The following GMDS variants were observed in gnomAD, a reference collection of about 807,000 sequenced individuals.
GMDS encodes GDP-mannose 4,6-dehydratase.
In GMDS, 20 loss-of-function variants were observed where a neutral mutation model predicts 49.9. The ratio of observed to expected loss-of-function variants is 0.40; its 90% CI spans 0.28 to 0.58. The LOEUF is 0.58. Among genes scored for constraint, GMDS ranks in the 20% least tolerant of loss-of-function variants. GMDS has a pLI of 0.42. For missense variants in GMDS, 362 were observed against 481.4 expected, an observed-to-expected ratio of 0.75 and a Z score of 2.32; for synonymous variants, 177 against 178.6, an observed-to-expected ratio of 0.99 and a Z score of 0.07.
At chr6:1,677,388 C>T (rs971298370) in intron 9 of GMDS, among the ~76,000 whole-genome samples, 3 of 152,104 alleles carry the variant, frequency 2.0e-5, no homozygotes, top group Non-Finnish European at 2.9e-5. Flanking sequence ...GACAGTGTGG[C>T]GATTCCTCAG....
chr6:2,236,343 G>A (rs1288780206), intron 1 of GMDS, among the ~76,000 whole-genome samples: 1 of 152,196 alleles, frequency 6.6e-6, no homozygotes, highest in Non-Finnish European at 1.5e-5. Flanking sequence ...GCCATCATCC[G>A]TGGAATTTTA....
chr6:2,178,620 C>G (rs1581755925), intron 1 of GMDS, among the ~76,000 whole-genome samples: 1 of 152,242 alleles, frequency 6.6e-6, no homozygotes, highest in East Asian at 1.9e-4. Context: ...ATATCAGGCA[C>G]TATGCTCACT....
intron 7 of GMDS, among the ~76,000 whole-genome samples, chr6:1,796,237 C>T (rs535112224): frequency 3.0e-4 from 45 of 151,930 alleles, no homozygotes; most frequent in Non-Finnish European, 5.9e-4. Context: ...GATCTGGGAT[C>T]TGTAGTCATT....
chr6:1,960,882 G>T lies in GMDS; in HGVS notation c.430C>A (p.Leu144Ile). 1 of 1,611,780 alleles carries T rather than the reference G, an allele frequency of 6.2e-7. No individual in the cohort carries two copies. Among genetic ancestry groups the T allele is most frequent in the Non-Finnish European group, 8.5e-7 (1 of 1,178,054 alleles). ...TGGTAGAACTTCACAGAGTTGATAAGGCCACAAGTCTTAACTGCATCTAGA... is the reference window on the plus strand; with the variant it reads ...TGGTAGAACTTCACAGAGTTGATAATGCCACAAGTCTTAACTGCATCTAGA... ...RLLDAVKTCG[L>I]INSVKFYQAS... Residue 144 changes from leucine to isoleucine, a missense_variant, in exon 5 of 11, where the codon CTT (leucine) becomes ATT (isoleucine). By Grantham distance (5) the Leu-to-Ile change is conservative. Coordinates refer to ENST00000380815, the MANE Select transcript of GMDS (RefSeq NM_001500.4).
intron 1 of GMDS, among the ~76,000 whole-genome samples, chr6:2,137,333 CT>C (rs79714655): frequency 0.15 from 20,559 of 133,354 alleles, 2,693 homozygotes; most frequent in African/African-American, 0.39. Flanking sequence ...GCTATATTCC[CT>C]TTTTTTTTTT....
chr6:2,185,407 G>A (rs1427845454), intron 1 of GMDS, among the ~76,000 whole-genome samples: 3 of 152,096 alleles, frequency 2.0e-5, no homozygotes, highest in African/African-American at 4.8e-5. Flanking sequence ...CGTATTCTTT[G>A]TATTGTACAC....
At chr6:2,241,637 A>AGC (rs1342627324) in intron 1 of GMDS, among the ~76,000 whole-genome samples, 7 of 152,230 alleles carry the variant, frequency 4.6e-5, no homozygotes, top group Admixed American at 2.0e-4. Flanking sequence ...CGGTTGTTAA[A>AGC]AAGAGCCTGG....
chr6:2,181,601 T>G (rs1423543830), intron 1 of GMDS, among the ~76,000 whole-genome samples: 1 of 152,180 alleles, frequency 6.6e-6, no homozygotes, highest in African/African-American at 2.4e-5. Flanking sequence ...CTCACAGTAT[T>G]TCAAACTTTT....
At chr6:1,954,357 A>C (rs1029945438) in intron 6 of GMDS, among the ~76,000 whole-genome samples, 2 of 152,222 alleles carry the variant, frequency 1.3e-5, no homozygotes, top group African/African-American at 4.8e-5. Context: ...GTGGTTGCTA[A>C]AGGCTGGAGC....
intron 1 of GMDS, among the ~76,000 whole-genome samples, chr6:2,131,732 G>A (rs1020675391): frequency 6.6e-6 from 1 of 152,008 alleles, no homozygotes; most frequent in Non-Finnish European, 1.5e-5. Context: ...TACAGCAAGG[G>A]TGAGTCCACC....
intron 6 of GMDS, among the ~76,000 whole-genome samples, chr6:1,942,788 G>A (rs1041453689): frequency 6.6e-6 from 1 of 152,164 alleles, no homozygotes; most frequent in East Asian, 1.9e-4. Flanking sequence ...CCCATACAGC[G>A]CTATCTTCAA....
intron 7 of GMDS, among the ~76,000 whole-genome samples, chr6:1,908,485 G>T (rs1001428347): frequency 1.3e-5 from 2 of 152,090 alleles, no homozygotes; most frequent in Non-Finnish European, 2.9e-5. Flanking sequence ...CTTGGCAAAA[G>T]ATATTTTCTT....
At chr6:2,107,530 C>T (rs4959633) in intron 4 of GMDS, among the ~76,000 whole-genome samples, 94,591 of 152,056 alleles carry the variant, frequency 0.62, 30,064 homozygotes, top group African/African-American at 0.76. Context: ...AAAAAGGTTT[C>T]GTATTGCAAT....
intron 7 of GMDS, among the ~76,000 whole-genome samples, chr6:1,896,116 G>A (rs113270753): frequency 6.6e-6 from 1 of 152,152 alleles, no homozygotes; most frequent in Non-Finnish European, 1.5e-5. Flanking sequence ...GATTATGTAA[G>A]GGCTGGAGCT....
chr6:1,938,853 A>G (rs1357299649), intron 6 of GMDS, among the ~76,000 whole-genome samples: 1 of 151,700 alleles, frequency 6.6e-6, no homozygotes, highest in Non-Finnish European at 1.5e-5. Flanking sequence ...TATCTGTAAT[A>G]GTCTGGGTTA....
Position 2,000,445 on chromosome 6 carries a change from CT to C in GMDS, c.346-39480del, listed in dbSNP as rs561624886. Among the ~76,000 whole-genome samples, 611 of 152,214 alleles carry C rather than the reference CT, an allele frequency of 4.0e-3. 3 individuals carry two copies. The highest frequency in any genetic ancestry group is 0.014 in the African/African-American group (591 of 41,540). ...TCATTAGCAGTCACCTCCCCAACCC[CT>C]GTCCCTTCAACCCTCCCCAATCCCT... On this transcript the variant is annotated intron_variant, in intron 4 of 10. Coordinates refer to ENST00000380815, the MANE Select transcript of GMDS (RefSeq NM_001500.4).
intron 7 of GMDS, among the ~76,000 whole-genome samples, chr6:1,799,805 T>C (rs780640275): frequency 6.6e-6 from 1 of 152,186 alleles, no homozygotes; most frequent in Non-Finnish European, 1.5e-5. Context: ...ACTGCGTACT[T>C]TGTTCCTAGA....
chr6:2,189,971 G>A (rs976334689), intron 1 of GMDS, among the ~76,000 whole-genome samples: 2 of 152,108 alleles, frequency 1.3e-5, no homozygotes, highest in South Asian at 2.1e-4. Flanking sequence ...GGGGTAACTC[G>A]TGGTATCAAA....
intron 1 of GMDS, among the ~76,000 whole-genome samples, chr6:2,193,526 C>A (rs1561646385): frequency 1.3e-5 from 2 of 152,170 alleles, no homozygotes; most frequent in African/African-American, 2.4e-5. Context: ...TACTGAGATG[C>A]AAGTTCTCCT....
Sources: allele counts gnomAD v4.1 joint callset (sites outside exome capture counted in the v4.1 genomes callset), GRCh38; gene constraint gnomAD v4.1.1; transcripts MANE v1.5; gene names NCBI Gene and HGNC (gene_info 2026-07-23, HGNC 2026-07-21).